The following STK32B variants were observed in gnomAD, a reference collection of about 807,000 sequenced individuals.
The protein encoded by STK32B is serine/threonine kinase 32B, also known as serine/threonine-protein kinase 32B.
STK32B carries 43 observed loss-of-function variants against 52.6 expected under a neutral mutation model. The ratio of observed to expected loss-of-function variants is 0.82; its 90% CI spans 0.64 to 1.05. The LOEUF is 1.05. Among genes scored for constraint, STK32B ranks in the 50% least tolerant of loss-of-function variants. The probability of loss-of-function intolerance (pLI) is 0.00; values close to 1 mark genes in which losing one functional copy is unlikely to be tolerated. For synonymous variants in STK32B, 238 were observed against 204.3 expected (o/e 1.17, Z -1.41); for missense variants, 621 against 534.6 (o/e 1.16, Z -1.59).
chr4:5,456,947 C>T lies in STK32B; in HGVS notation c.783+24C>T, dbSNP rs371801371. 4.7e-6 allele frequency: 7 copies of T among 1,491,748 alleles called. No homozygotes were observed. In the African/African-American group the frequency reaches 5.6e-5, roughly 12 times the overall value. 92.4% of individuals were successfully genotyped at this position (1,491,748 alleles called of 1,614,324 possible). A position where few individuals can be genotyped will look rare whatever the true frequency, so the allele number is the denominator to read the frequency against. ...AGGTAAGGGGGCAGCTTCCAGCCTG[C>T]CCCGCCAGGGAGCTACGGTGAGTGT... On this transcript the variant is annotated intron_variant, in intron 8 of 11. Coordinates refer to ENST00000282908, the MANE Select transcript of STK32B (RefSeq NM_018401.3).
chr4:5,095,554 G>A (rs1345017523), intron 1 of STK32B, among the ~76,000 whole-genome samples: 1 of 152,184 alleles, frequency 6.6e-6, no homozygotes, highest in African/African-American at 2.4e-5. Flanking sequence ...GGTAGAGGTT[G>A]CAGTGAGCCG....
intron 3 of STK32B, among the ~76,000 whole-genome samples, chr4:5,207,589 A>G (rs1688831675): frequency 6.6e-6 from 1 of 152,024 alleles, no homozygotes; most frequent in South Asian, 2.1e-4. Context: ...ATGGACTAAT[A>G]CACCCTGTGA....
intron 11 of STK32B, among the ~76,000 whole-genome samples, chr4:5,487,005 T>A (rs911303850): frequency 1.1e-4 from 17 of 152,226 alleles, no homozygotes; most frequent in African/African-American, 4.1e-4. Flanking sequence ...TGTATTTCAG[T>A]TGGGTATGAC....
At chr4:5,132,513 G>A (rs972781364) in intron 1 of STK32B, among the ~76,000 whole-genome samples, 1 of 152,130 alleles carries the variant, frequency 6.6e-6, no homozygotes, top group African/African-American at 2.4e-5. Context: ...ATGCATAAGG[G>A]TGAGAGAAGA....
intron 2 of STK32B, among the ~76,000 whole-genome samples, chr4:5,145,531 C>T (rs1716844991): frequency 6.6e-6 from 1 of 152,162 alleles, no homozygotes; most frequent in South Asian, 2.1e-4. Context: ...GTCAACTACT[C>T]CATCCATTAT....
chr4:5,312,713 T>A (rs962572131), intron 3 of STK32B, among the ~76,000 whole-genome samples: 3 of 151,910 alleles, frequency 2.0e-5, no homozygotes, highest in African/African-American at 7.3e-5. Context: ...TGGTTCCAAG[T>A]CTTTGCTATT....
chr4:5,384,816 T>G (rs1201597192), intron 4 of STK32B, among the ~76,000 whole-genome samples: 1 of 152,086 alleles, frequency 6.6e-6, no homozygotes, highest in Non-Finnish European at 1.5e-5. Flanking sequence ...GAAGGGGCTG[T>G]GACGATTCCA....
chr4:5,199,417 C>G lies in STK32B; in HGVS notation c.260+30967C>G, dbSNP rs553214516. Among the ~76,000 whole-genome samples, 56 of 151,940 alleles carry G rather than the reference C, an allele frequency of 3.7e-4. No homozygotes were observed. In the Middle Eastern group the frequency reaches 0.01, roughly 28 times the overall value. ...CCATGAATTCCTGAATATTTGAAAA[C>G]CTATTGGTGCCTTATGTGGCTTTGA... is the stretch of plus-strand genomic sequence containing the variant. On this transcript the variant is annotated intron_variant, in intron 3 of 11. Transcript: ENST00000282908.
At chr4:5,178,166 A>G (rs1720073895) in intron 3 of STK32B, among the ~76,000 whole-genome samples, 3 of 152,156 alleles carry the variant, frequency 2.0e-5, no homozygotes, top group Non-Finnish European at 2.9e-5. Flanking sequence ...AAGTGTTTCT[A>G]TACATCCTCT....
At chr4:5,245,471 C>T (rs1725374738) in intron 3 of STK32B, among the ~76,000 whole-genome samples, 1 of 150,948 alleles carries the variant, frequency 6.6e-6, no homozygotes, top group Admixed American at 6.6e-5. Flanking sequence ...CCTACGTGAG[C>T]ACGTGAGATG....
At chr4:5,211,379 G>A (rs1044587521) in intron 3 of STK32B, among the ~76,000 whole-genome samples, 2 of 152,114 alleles carry the variant, frequency 1.3e-5, no homozygotes, top group Admixed American at 1.3e-4. Flanking sequence ...GGGATCTTGA[G>A]CTTCCTGGCA....
chr4:5,085,813 T>C (rs1214804394), intron 1 of STK32B, among the ~76,000 whole-genome samples: 1 of 152,174 alleles, frequency 6.6e-6, no homozygotes, highest in Non-Finnish European at 1.5e-5. Flanking sequence ...CTAGTCTCAT[T>C]CCCCATTTAC....
At chr4:5,081,805 G>A (rs182716434) in intron 1 of STK32B, among the ~76,000 whole-genome samples, 4 of 152,008 alleles carry the variant, frequency 2.6e-5, no homozygotes, top group Non-Finnish European at 2.9e-5. Context: ...TGAGTTTTCT[G>A]TGTTCTCCTA....
chr4:5,405,126 A>G (rs1737572164), intron 5 of STK32B, among the ~76,000 whole-genome samples: 1 of 151,830 alleles, frequency 6.6e-6, no homozygotes. Context: ...TTGGCCTCCC[A>G]AAGTGGGGAT....
chr4:5,410,175 G>C (rs1711545772), intron 5 of STK32B, among the ~76,000 whole-genome samples: 1 of 152,180 alleles, frequency 6.6e-6, no homozygotes, highest in Non-Finnish European at 1.5e-5. Context: ...TATTAGCAGA[G>C]AGCCAGGGTT....
At chr4:5,148,919 A>G (rs1717128701) in intron 2 of STK32B, among the ~76,000 whole-genome samples, 1 of 151,812 alleles carries the variant, frequency 6.6e-6, no homozygotes, top group Non-Finnish European at 1.5e-5. Flanking sequence ...ATGCATACAT[A>G]TTTATGATTA....
At chr4:5,405,931 C>T (rs1737629747) in intron 5 of STK32B, among the ~76,000 whole-genome samples, 1 of 152,104 alleles carries the variant, frequency 6.6e-6, no homozygotes, top group Admixed American at 6.5e-5. Flanking sequence ...ATCATGCCTT[C>T]CCAACAGTCC....
chr4:5,036,659 A>ATTTTTTTTTTTTTTTTTTTTTTTTT, the STK32B span, among the ~76,000 whole-genome samples: 1 of 74,204 alleles, frequency 1.3e-5, no homozygotes. Flanking sequence ...GCAAGGGTGG[A>ATTTTTTTTTTTTTTTTTTTTTTTTT]TTTTTTTTTT....
At chr4:5,303,034 G>GTA (rs1285152770) in intron 3 of STK32B, among the ~76,000 whole-genome samples, 1 of 151,908 alleles carries the variant, frequency 6.6e-6, no homozygotes, top group Non-Finnish European at 1.5e-5. Context: ...GGGTGTGTGT[G>GTA]TATATATATG....
Sources: allele counts gnomAD v4.1 joint callset (sites outside exome capture counted in the v4.1 genomes callset), GRCh38; gene constraint gnomAD v4.1.1; transcripts MANE v1.5; gene names NCBI Gene and HGNC (gene_info 2026-07-23, HGNC 2026-07-21).